SPINK5: variants seen among roughly 807,000 people sequenced by gnomAD.
SPINK5 encodes serine peptidase inhibitor Kazal type 5, also known as serine protease inhibitor Kazal-type 5.
In SPINK5, 125 loss-of-function variants were observed where a neutral mutation model predicts 151.8. The ratio of observed to expected loss-of-function variants is 0.82; its 90% CI spans 0.71 to 0.96. SPINK5 has a LOEUF of 0.96. SPINK5 is among the 40% of genes least tolerant of loss of function. The probability of loss-of-function intolerance (pLI) is 0.00; values close to 1 mark genes in which losing one functional copy is unlikely to be tolerated. For missense variants in SPINK5, 1,194 were observed against 1,291.9 expected, an observed-to-expected ratio of 0.92 and a Z score of 1.16; for synonymous variants, 374 against 395.3, an observed-to-expected ratio of 0.95 and a Z score of 0.64.
In SPINK5 at chr5:148,104,964, AAG is replaced by A; in HGVS notation, c.1446_1447del (p.Arg482SerfsTer6). 6.2e-7 allele frequency: 1 copy of A among 1,613,770 alleles called. No homozygotes were observed. Among genetic ancestry groups the A allele is most frequent in the Non-Finnish European group, 8.5e-7 (1 of 1,179,840 alleles). Reference sequence around the variant, plus strand: ...CGGTTTCTTAAAGTCAACAAGAAGAAAGAGCAAGAGCAAAGGCTAAAAGAGAA... The same window carrying A: ...CGGTTTCTTAAAGTCAACAAGAAGAAAGCAAGAGCAAAGGCTAAAAGAGAA... ...MCEAFFQQEE[R>X]ARAKAKREAA... On this transcript the variant is annotated frameshift_variant, in exon 16 of 33. Coordinates refer to ENST00000256084, the MANE Select transcript of SPINK5 (RefSeq NM_006846.4). LOFTEE classifies it high-confidence loss of function.
At chr5:148,118,935 C>CCAGGGTCAATATTTGTTAA in intron 23 of SPINK5, 51 bp from the exon 24 acceptor site, 1 of 1,578,556 alleles carries the variant, frequency 6.3e-7, no homozygotes, top group Non-Finnish European at 8.7e-7. Flanking sequence ...AGTGCATAAT[C>CCAGGGTCAATATTTGTTAA]CAGGGTCAAT....
At chr5:148,105,772 A>T (rs553503511) in intron 16 of SPINK5, among the ~76,000 whole-genome samples, 1 of 144,766 alleles carries the variant, frequency 6.9e-6, no homozygotes, top group East Asian at 2.0e-4. Flanking sequence ...ACGTGCCACA[A>T]TGCCCAGCTA....
intron 8 of SPINK5, among the ~76,000 whole-genome samples, chr5:148,093,299 A>G (rs1753362446): frequency 6.6e-6 from 1 of 151,944 alleles, no homozygotes; most frequent in African/African-American, 2.4e-5. Flanking sequence ...GCCTGAAAGT[A>G]TTGAACCAAA....
At chr5:148,106,162 C>T (rs1289410058) in intron 16 of SPINK5, among the ~76,000 whole-genome samples, 5 of 152,058 alleles carry the variant, frequency 3.3e-5, no homozygotes, top group Non-Finnish European at 7.4e-5. Flanking sequence ...ACATATTCCT[C>T]CTTCTCTCCA....
intron 4 of SPINK5, among the ~76,000 whole-genome samples, chr5:148,076,657 C>T (rs1752888984): frequency 1.3e-5 from 2 of 151,322 alleles, no homozygotes; most frequent in African/African-American, 2.4e-5. Context: ...AGACTTGAAG[C>T]AACTATTAAA....
intron 2 of SPINK5, among the ~76,000 whole-genome samples, chr5:148,069,469 G>C (rs893331444): frequency 2.6e-4 from 39 of 151,134 alleles, no homozygotes; most frequent in African/African-American, 9.0e-4. Context: ...AAAATTACCA[G>C]AGAGAGAGAG....
At chr5:148,071,676 T>G (rs75818732) in intron 3 of SPINK5, among the ~76,000 whole-genome samples, 3 of 13,814 alleles carry the variant, frequency 2.2e-4, no homozygotes, top group South Asian at 4.2e-3. Context: ...GAATAAAATT[T>G]TTTTTTTTAC....
At position 148,095,894 on chromosome 5, in the gene SPINK5, A is replaced by C. The variant is rs1349488764; in HGVS notation, c.871A>C (p.Arg291=). The change falls in exon 10 of 33, where the codon AGA becomes CGA. Residue 291 remains arginine (R), a synonymous_variant. Coordinates refer to ENST00000256084, the MANE Select transcript of SPINK5 (RefSeq NM_006846.4). ...AGCTGAAGAAAAAACTAAAGTTAAA[A>C]GAGAAATTGTGGTGAGAATCAGTTT... ...GKAEEKTKVK[R]EIVKLCSQYQ... The C allele has an allele frequency of 6.2e-7, 1 of 1,611,730 alleles. No individual in the cohort carries two copies. The highest frequency in any genetic ancestry group is 1.3e-5 in the African/African-American group (1 of 74,888).
chr5:148,134,041 ATAAT>A, intron 32 of SPINK5, 154 bp downstream of exon 32: 1 of 729,902 alleles, frequency 1.4e-6, no homozygotes. Context: ...CACTATAAGG[ATAAT>A]TAAGTAATTA....
At chr5:148,067,598 CAGAA>C (rs1205656687) in intron 2 of SPINK5, among the ~76,000 whole-genome samples, 1 of 152,078 alleles carries the variant, frequency 6.6e-6, no homozygotes, top group Non-Finnish European at 1.5e-5. Flanking sequence ...TTTCATAACT[CAGAA>C]AAATAGCATT....
rs565016659 is a variant in SPINK5, at chr5:148,097,068, C to T, written c.883-799C>T. Among the ~76,000 whole-genome samples the T allele has an allele frequency of 8.0e-5, 12 of 150,596 alleles. No homozygotes were observed. The South Asian group carries it at 2.3e-3, about 29-fold the overall frequency. On this transcript the variant is annotated intron_variant, in intron 10 of 32. Transcript: ENST00000256084. ...CTTCCCTTTCTTCCTTTCCTTTCTC[C>T]TTTTTCTTTTTCTTCTCTCTATTCT... is the stretch of plus-strand genomic sequence containing the variant.
At chr5:148,120,491 A>G in intron 26 of SPINK5, 100 bp downstream of exon 26, 1 of 1,394,994 alleles carries the variant, frequency 7.2e-7, no homozygotes, top group Non-Finnish European at 9.9e-7. Flanking sequence ...TGTCCCAATC[A>G]TTGGTGATAT....
chr5:148,132,087 T>C (rs1754586785), intron 31 of SPINK5, among the ~76,000 whole-genome samples: 1 of 152,204 alleles, frequency 6.6e-6, no homozygotes, highest in African/African-American at 2.4e-5. Flanking sequence ...ATACAAGGGA[T>C]TCATTTTAAT....
chr5:148,103,360 A>G (rs533998171), intron 15 of SPINK5, among the ~76,000 whole-genome samples: 1 of 152,284 alleles, frequency 6.6e-6, no homozygotes, highest in South Asian at 2.1e-4. Context: ...GGACTTACAG[A>G]TGAAGGAAAA....
At chr5:148,072,994 T>C (rs1752781992) in intron 4 of SPINK5, among the ~76,000 whole-genome samples, 1 of 151,798 alleles carries the variant, frequency 6.6e-6, no homozygotes, top group South Asian at 2.1e-4. Context: ...TTTTAAAATC[T>C]TTACAAAATT....
Position 148,101,879 on chromosome 5 carries a change from C to T in SPINK5, c.1401C>T (p.Gly467=), listed in dbSNP as rs374181561. 149 of 1,613,586 alleles carry T rather than the reference C, an allele frequency of 9.2e-5. No homozygotes were observed. The highest frequency in any genetic ancestry group is 3.5e-4 in the Admixed American group (21 of 59,976). ...PIQGPDGKMH[G]NTCSMCEAFF... ...AGGGCCCAGATGGAAAAATGCATGG[C>T]AACACCTGCTCCATGTGTGAGGCCT... is the stretch of plus-strand genomic sequence containing the variant. The change falls in exon 15 of 33, where the codon GGC becomes GGT. Residue 467 remains glycine, a synonymous_variant. Transcript: ENST00000256084.
At chr5:148,069,402 ACCAAAAGC>A (rs1350571474) in intron 2 of SPINK5, among the ~76,000 whole-genome samples, 5 of 151,550 alleles carry the variant, frequency 3.3e-5, no homozygotes, top group African/African-American at 1.2e-4. Flanking sequence ...TATTTACAAA[ACCAAAAGC>A]CCAAAACAAA....
rs760579391 is a variant in SPINK5, at chr5:148,088,548, C to T, written c.417C>T (p.Thr139=). The T allele has an allele frequency of 9.3e-6, 15 of 1,611,316 alleles. No individual in the cohort carries two copies. The highest frequency in any genetic ancestry group is 8.9e-5 in the East Asian group (4 of 44,758). ...TACTAACTTTTGATTCTAGGAAAAC[C>T]GGGTCCCAAATTGGTGTAAAAAGTG... is the stretch of plus-strand genomic sequence containing the variant. ...RCALCAENAK[T]GSQIGVKSEG... Residue 139 remains threonine (T), a synonymous_variant, in exon 6 of 33, where the codon ACC becomes ACT. Transcript: ENST00000256084.
At chr5:148,065,953 CATATGGTACGTTAA>C (rs976188767) in intron 2 of SPINK5, among the ~76,000 whole-genome samples, 8 of 152,148 alleles carry the variant, frequency 5.3e-5, no homozygotes, top group Admixed American at 4.6e-4. Flanking sequence ...CTTAGCAAAA[CATATGGTACGTTAA>C]ATAATGATAA....
Sources: allele counts gnomAD v4.1 joint callset (sites outside exome capture counted in the v4.1 genomes callset), GRCh38; gene constraint gnomAD v4.1.1; transcripts MANE v1.5; gene names NCBI Gene and HGNC (gene_info 2026-07-23, HGNC 2026-07-21).